Variants in GSK3B observed in about 807,000 individuals in gnomAD.
The protein encoded by GSK3B is glycogen synthase kinase-3 beta.
Under a neutral mutation model 56.4 loss-of-function variants are expected in GSK3B, and 15 were observed. The observed-to-expected ratio is 0.27, with a 90% CI of 0.18 to 0.41. The LOEUF is 0.41. Ranked by LOEUF, GSK3B falls within the 10% of genes least tolerant of loss-of-function variation. The pLI is 1.00. For synonymous variants in GSK3B, 181 were observed against 188.9 expected (o/e 0.96, Z 0.34); for missense variants, 300 against 513.4 (o/e 0.58, Z 4.02).
chr3:119,919,955 G>A (rs1410543963), intron 4 of GSK3B, among the ~76,000 whole-genome samples: 1 of 151,956 alleles, frequency 6.6e-6, no homozygotes, highest in Non-Finnish European at 1.5e-5. Flanking sequence ...TATAAAAAGA[G>A]TAAGAATAAC....
intron 1 of GSK3B, among the ~76,000 whole-genome samples, chr3:120,048,740 A>T (rs750436993): frequency 6.6e-6 from 1 of 152,204 alleles, no homozygotes; most frequent in Non-Finnish European, 1.5e-5. Flanking sequence ...AGTTAAGAAA[A>T]GGTATGGATC....
At chr3:119,889,381 C>T (rs1049010050) in intron 7 of GSK3B, among the ~76,000 whole-genome samples, 10 of 152,056 alleles carry the variant, frequency 6.6e-5, no homozygotes, top group Admixed American at 5.9e-4. Context: ...AGGATTATAA[C>T]ATGTAGAATT....
At chr3:120,092,047 A>G (rs754653982) in intron 1 of GSK3B, among the ~76,000 whole-genome samples, 1 of 152,124 alleles carries the variant, frequency 6.6e-6, no homozygotes, top group Non-Finnish European at 1.5e-5. Flanking sequence ...CAGTTCTTCT[A>G]GGCAACAAAT....
intron 1 of GSK3B, among the ~76,000 whole-genome samples, chr3:120,024,899 A>G (rs1186521926): frequency 1.3e-5 from 2 of 152,242 alleles, no homozygotes; most frequent in African/African-American, 4.8e-5. Flanking sequence ...AACAAACTGA[A>G]AATAAGTGGA....
intron 2 of GSK3B, among the ~76,000 whole-genome samples, chr3:119,981,217 G>C (rs971164242): frequency 6.6e-6 from 1 of 152,188 alleles, no homozygotes; most frequent in Non-Finnish European, 1.5e-5. Flanking sequence ...TTTACTAAAA[G>C]TTAACAGCGT....
chr3:119,986,634 T>C (rs2057519176), intron 2 of GSK3B, among the ~76,000 whole-genome samples: 1 of 152,186 alleles, frequency 6.6e-6, no homozygotes, highest in Non-Finnish European at 1.5e-5. Flanking sequence ...CACAATGAGA[T>C]ACCATCTCAC....
intron 1 of GSK3B, chr3:120,029,682 G>C: frequency 1.9e-6 from 1 of 531,048 alleles, no homozygotes; most frequent in South Asian, 1.6e-5. Context: ...TATGGCCATG[G>C]ATACAGCAGA....
chr3:119,980,559 GGTCAGGCTA>G (rs1242287330), intron 2 of GSK3B, among the ~76,000 whole-genome samples: 2 of 152,066 alleles, frequency 1.3e-5, no homozygotes, highest in Non-Finnish European at 2.9e-5. Flanking sequence ...TCTCCAAGTT[GGTCAGGCTA>G]GTCTCAAACT....
In GSK3B at chr3:119,844,461, G is replaced by A. The variant is rs187206302; in HGVS notation, c.1097-1108C>T. 4.9e-3 allele frequency among the ~76,000 whole-genome samples: 748 copies of A among 151,334 alleles called. 12 individuals carry two copies. The highest frequency in any genetic ancestry group is 0.018 in the African/African-American group (727 of 41,288). On this transcript the variant is annotated intron_variant, in intron 9 of 10. Coordinates refer to ENST00000264235, the MANE Select transcript of GSK3B (RefSeq NM_001146156.2). ...CCAGATTAATAAAGGAAAGAGAGAA[G>A]AATCAAATAGACACAATAAAAAATG... is the stretch of plus-strand genomic sequence containing the variant.
intron 7 of GSK3B, among the ~76,000 whole-genome samples, chr3:119,895,728 G>A (rs1364470095): frequency 6.6e-6 from 1 of 152,014 alleles, no homozygotes; most frequent in African/African-American, 2.4e-5. Context: ...AAATATAAAG[G>A]TTTATTTCTA....
intron 2 of GSK3B, among the ~76,000 whole-genome samples, chr3:119,971,142 G>T (rs1409062092): frequency 2.0e-5 from 3 of 152,094 alleles, no homozygotes; most frequent in African/African-American, 4.8e-5. Flanking sequence ...TTCCCCAAAT[G>T]GATTGAAGTT....
chr3:119,890,813 C>A (rs1443860950), intron 7 of GSK3B, among the ~76,000 whole-genome samples: 2 of 149,836 alleles, frequency 1.3e-5, no homozygotes, highest in Admixed American at 1.3e-4. Flanking sequence ...AGAAGTTTAA[C>A]CTTCTTAAAT....
chr3:119,888,701 C>A (rs1447344487), intron 7 of GSK3B, among the ~76,000 whole-genome samples: 1 of 152,042 alleles, frequency 6.6e-6, no homozygotes, highest in Non-Finnish European at 1.5e-5. Context: ...CAAAATAGAG[C>A]CATATTTTTC....
intron 7 of GSK3B, among the ~76,000 whole-genome samples, chr3:119,888,060 C>T (rs2056459464): frequency 6.6e-6 from 1 of 152,018 alleles, no homozygotes; most frequent in Admixed American, 6.6e-5. Flanking sequence ...AAGTTTGTCA[C>T]CAGCAGATCT....
At chr3:119,956,904 T>G (rs969307833) in intron 2 of GSK3B, among the ~76,000 whole-genome samples, 1 of 152,248 alleles carries the variant, frequency 6.6e-6, no homozygotes, top group Non-Finnish European at 1.5e-5. Context: ...TCAGGTTTAT[T>G]CAACTCTGTA....
At chr3:119,896,295 A>G (rs536594313) in intron 7 of GSK3B, among the ~76,000 whole-genome samples, 2 of 152,216 alleles carry the variant, frequency 1.3e-5, no homozygotes, top group South Asian at 4.1e-4. Context: ...TGAAAAATTC[A>G]TTTTTGGTTG....
chr3:119,897,793 C>CAAAAAA (rs11464173), intron 7 of GSK3B, among the ~76,000 whole-genome samples: 126 of 71,168 alleles, frequency 1.8e-3, no homozygotes, highest in Middle Eastern at 8.5e-3. Flanking sequence ...GACTCTGTCT[C>CAAAAAA]AAAAAAAAAA....
intron 8 of GSK3B, among the ~76,000 whole-genome samples, chr3:119,871,447 T>C (rs919156587): frequency 6.6e-6 from 1 of 152,296 alleles, no homozygotes; most frequent in Admixed American, 6.5e-5. Context: ...GCAACAAATA[T>C]TTTGAAGTAA....
At chr3:119,910,267 T>G (rs1317136104) in intron 6 of GSK3B, among the ~76,000 whole-genome samples, 1 of 152,106 alleles carries the variant, frequency 6.6e-6, no homozygotes, top group Non-Finnish European at 1.5e-5. Flanking sequence ...AAAGTAGAAT[T>G]TGAAAAATTC....
Sources: gnomAD v4.1 joint callset for allele counts (sites outside exome capture counted in the v4.1 genomes callset) on GRCh38, gnomAD v4.1.1 for gene constraint, MANE v1.5 for transcripts, NCBI Gene and HGNC (gene_info 2026-07-23, HGNC 2026-07-21) for gene names.